Variants in FRMD1 observed in about 807,000 individuals in gnomAD.
The protein encoded by FRMD1 is FERM domain-containing protein 1.
Under a neutral mutation model 54.9 loss-of-function variants are expected in FRMD1, and 51 were observed. The observed-to-expected ratio is 0.93, with a 90% CI of 0.74 to 1.17. FRMD1 has a LOEUF of 1.17. FRMD1 is among the 50% of genes most tolerant of loss of function. The pLI, the probability that FRMD1 is intolerant of heterozygous loss-of-function variation, is 0.00. For synonymous variants in FRMD1, 324 were observed against 306.4 expected (o/e 1.06, Z -0.60); for missense variants, 729 against 743.0 (o/e 0.98, Z 0.22).
intron 10 of FRMD1, among the ~76,000 whole-genome samples, chr6:168,058,184 G>C (rs1433873466): frequency 1.8e-4 from 25 of 138,052 alleles, no homozygotes; most frequent in African/African-American, 3.6e-4. Context: ...GCCCAGCCCT[G>C]TTCTCTCTCC....
intron 1 of FRMD1, among the ~76,000 whole-genome samples, chr6:168,076,345 C>A (rs1042519500): frequency 6.6e-6 from 1 of 152,200 alleles, no homozygotes; most frequent in African/African-American, 2.4e-5. Flanking sequence ...CTGAGTTAAT[C>A]CTGAGTTACT....
At chr6:168,092,426 G>T (rs929438085) in intron 1 of FRMD1, among the ~76,000 whole-genome samples, 1 of 149,662 alleles carries the variant, frequency 6.7e-6, no homozygotes, top group Admixed American at 6.6e-5. Flanking sequence ...GAGGTGATGT[G>T]GTCATGGGGG....
chr6:168,091,414 G>A (rs569991785), intron 1 of FRMD1, among the ~76,000 whole-genome samples: 3 of 152,268 alleles, frequency 2.0e-5, no homozygotes, highest in South Asian at 2.1e-4. Context: ...GTCTCCCCAG[G>A]CCCCCAGCAG....
In FRMD1 at chr6:168,059,057, CAG is replaced by C. The variant is rs1223025894; in HGVS notation, c.1407+65_1407+66del. Reference sequence around the variant, plus strand: ...CTAGGAAGGTCCCCAGGGCCCCTGACAGGGGACCTAGGAGAAGGGGGTGGAGG... The same window carrying C: ...CTAGGAAGGTCCCCAGGGCCCCTGACGGGACCTAGGAGAAGGGGGTGGAGG... On this transcript the variant is annotated intron_variant, in intron 10 of 10. Coordinates refer to ENST00000283309, the MANE Select transcript of FRMD1 (RefSeq NM_024919.6). The surrounding 1 kb of genome is among the most constrained non-coding windows in gnomAD (Gnocchi z 4.4). 7.5e-6 allele frequency: 10 copies of C among 1,326,326 alleles called. No homozygotes were observed. The highest frequency in any genetic ancestry group is 1.3e-5 in the South Asian group (1 of 79,102). The allele number at this position is 1,326,326 out of a possible 1,614,324, so 82.2% of individuals were successfully genotyped here. A position where few individuals can be genotyped will look rare whatever the true frequency, so the allele number is the denominator to read the frequency against.
At chr6:168,057,410 C>T (rs1284553160) in intron 10 of FRMD1, 71 bp from the exon 11 acceptor site, 8 of 1,567,992 alleles carry the variant, frequency 5.1e-6, no homozygotes, top group African/African-American at 2.7e-5. Context: ...GGCAGCCACA[C>T]TGCTTGTGGC....
rs536825906 is a variant in FRMD1, at chr6:168,062,655, C to G, written c.870+239G>C. The G allele has an allele frequency of 6.5e-6, 10 of 1,548,328 alleles. No homozygotes were observed. In the South Asian group the frequency reaches 1.2e-4, roughly 18 times the overall value. On this transcript the variant is annotated intron_variant, in intron 7 of 10. Transcript: ENST00000283309. ...GCCCAGGCTTTCCAGGGCACGGGGA[C>G]CCCCCAGACACCCACCAGAAATGCC...
At chr6:168,072,827 T>C (rs1489969008) in intron 2 of FRMD1, among the ~76,000 whole-genome samples, 1 of 152,216 alleles carries the variant, frequency 6.6e-6, no homozygotes, top group Non-Finnish European at 1.5e-5. Flanking sequence ...TTTTCATTTC[T>C]AAAATCACAG....
chr6:168,077,031 T>TG (rs1399892555), intron 1 of FRMD1, among the ~76,000 whole-genome samples: 3 of 152,082 alleles, frequency 2.0e-5, no homozygotes, highest in African/African-American at 7.2e-5. Context: ...CAGACACAGA[T>TG]GCATGCACAC....
At chr6:168,087,429 G>C (rs1398634920) in intron 1 of FRMD1, among the ~76,000 whole-genome samples, 2 of 152,216 alleles carry the variant, frequency 1.3e-5, no homozygotes, top group African/African-American at 2.4e-5. Flanking sequence ...CCTACAGAGT[G>C]GGGTACATGT....
At chr6:168,074,028 C>G (rs928537695) in intron 2 of FRMD1, among the ~76,000 whole-genome samples, 3 of 152,096 alleles carry the variant, frequency 2.0e-5, no homozygotes, top group African/African-American at 7.2e-5. Context: ...GGAGAGGGGG[C>G]CAGGGCTTGT....
At chr6:168,078,694 AGCCCTGCTCACCCCTATGGCCACCCAGG>A (rs1238411226) in intron 1 of FRMD1, among the ~76,000 whole-genome samples, 160 bp downstream of exon 1, 1 of 41,376 alleles carries the variant, frequency 2.4e-5, no homozygotes, top group Non-Finnish European at 4.3e-5. Context: ...TCACCCCCAC[AGCCCTGCTCACCCCTATGGCCACCCAGG>A]GCCCTCCTCA....
Position 168,079,188 on chromosome 6 carries a change from C to G in FRMD1, c.-94G>C. On this transcript the variant is annotated 5_prime_UTR_variant, in exon 1 of 11. Coordinates refer to ENST00000283309, the MANE Select transcript of FRMD1 (RefSeq NM_024919.6). ...TGTGCTTTCCGGGACCCGCCCTTGCCGAGCTTCTCACTGGGAAGGGAATTG... is the reference window on the plus strand; with the variant it reads ...TGTGCTTTCCGGGACCCGCCCTTGCGGAGCTTCTCACTGGGAAGGGAATTG... 3 of 1,423,708 alleles carry G rather than the reference C, an allele frequency of 2.1e-6. No individual in the cohort carries two copies. The highest frequency in any genetic ancestry group is 1.5e-5 in the South Asian group (1 of 65,358). The allele number at this position is 1,423,708 out of a possible 1,614,324, so 88.2% of individuals were successfully genotyped here.
intron 4 of FRMD1, chr6:168,065,498 A>T: frequency 1.0e-6 from 1 of 992,278 alleles, no homozygotes; most frequent in East Asian, 1.1e-4. Context: ...GCTGGTATTC[A>T]TTAATCACAG....
chr6:168,065,576 A>C, intron 4 of FRMD1: 1 of 987,052 alleles, frequency 1.0e-6, no homozygotes, highest in Non-Finnish European at 1.2e-6. Flanking sequence ...AACTGGCCCC[A>C]TAGCACCAGG....
intron 1 of FRMD1, among the ~76,000 whole-genome samples, chr6:168,092,405 G>A (rs1036699922): frequency 6.6e-6 from 1 of 152,206 alleles, no homozygotes; most frequent in East Asian, 1.9e-4. Context: ...GTTAGGAGGC[G>A]GGGCCTTTGG....
intron 4 of FRMD1, chr6:168,066,278 C>G (rs1174718013): frequency 1.1e-6 from 1 of 880,738 alleles, no homozygotes; most frequent in Non-Finnish European, 1.4e-6. Flanking sequence ...GCGGGTGGAT[C>G]ACCTGAGGTC....
chr6:168,082,374 T>C (rs868272895), upstream of FRMD1, among the ~76,000 whole-genome samples: 6 of 152,312 alleles, frequency 3.9e-5, no homozygotes, highest in South Asian at 2.1e-4. Flanking sequence ...GCCTGTACTC[T>C]GCTCTCTCCC....
At chr6:168,071,674 A>G (rs1800313541) in intron 2 of FRMD1, among the ~76,000 whole-genome samples, 1 of 152,240 alleles carries the variant, frequency 6.6e-6, no homozygotes, top group Non-Finnish European at 1.5e-5. Flanking sequence ...ATCAAGAAAG[A>G]CGTGAGAAAG....
chr6:168,088,445 C>G (rs943953981), intron 1 of FRMD1, among the ~76,000 whole-genome samples: 1 of 152,214 alleles, frequency 6.6e-6, no homozygotes, highest in African/African-American at 2.4e-5. Flanking sequence ...TCCCCTCCAC[C>G]CAGAGGGCAG....
Sources: gnomAD v4.1 joint callset for allele counts (sites outside exome capture counted in the v4.1 genomes callset) on GRCh38, gnomAD v4.1.1 for gene constraint, Gnocchi (gnomAD v3.1) non-coding constraint, MANE v1.5 for transcripts, NCBI Gene and HGNC (gene_info 2026-07-23, HGNC 2026-07-21) for gene names.